The following MICU1 variants were observed in gnomAD, a reference collection of about 807,000 sequenced individuals.
The protein encoded by MICU1 is mitochondrial calcium uptake 1, also known as calcium uptake protein 1, mitochondrial.
MICU1 carries 45 observed loss-of-function variants against 56.8 expected under a neutral mutation model. The ratio of observed to expected loss-of-function variants is 0.79; its 90% CI spans 0.62 to 1.02. The LOEUF (loss-of-function observed/expected upper bound fraction) is 1.02, where lower values mean the gene tolerates loss of function less well. Ranked by LOEUF, MICU1 falls within the 50% of genes least tolerant of loss-of-function variation. MICU1 has a pLI of 0.00. For synonymous variants in MICU1, 186 were observed against 195.1 expected (o/e 0.95, Z 0.39); for missense variants, 504 against 587.1 (o/e 0.86, Z 1.46).
In MICU1 at chr10:72,493,632, T is replaced by C. The variant is rs115643124; in HGVS notation, c.652+14523A>G. 4.0e-3 allele frequency among the ~76,000 whole-genome samples: 605 copies of C among 152,168 alleles called. 5 individuals are homozygous for C. Among genetic ancestry groups the C allele is most frequent in the African/African-American group, 0.014 (561 of 41,518 alleles). ...CATGCCTGACTAATTTGTGTATTTT[T>C]TGTAGAGACATGGTTTCGCCATGTT... On this transcript the variant is annotated intron_variant, in intron 6 of 11. Transcript: ENST00000361114.
Position 72,486,366 on chromosome 10 carries a change from A to T in MICU1, c.653-9110T>A, listed in dbSNP as rs144946441. Among the ~76,000 whole-genome samples, 331 of 152,350 alleles carry T rather than the reference A, an allele frequency of 2.2e-3. 2 individuals are homozygous for T. The highest frequency in any genetic ancestry group is 6.8e-3 in the Middle Eastern group (2 of 294). ...GCAACAAAACATTAGTTAGATATAA[A>T]GGACAAACTGACTAACATTACTATC... On this transcript the variant is annotated intron_variant, in intron 6 of 11. Coordinates refer to ENST00000361114, the MANE Select transcript of MICU1 (RefSeq NM_001195518.2).
intron 5 of MICU1, among the ~76,000 whole-genome samples, chr10:72,529,154 T>G (rs965393483): frequency 6.6e-6 from 1 of 152,208 alleles, no homozygotes; most frequent in Non-Finnish European, 1.5e-5. Context: ...CAAATATTCT[T>G]GTAGATAACA....
intron 4 of MICU1, among the ~76,000 whole-genome samples, chr10:72,543,672 G>A (rs2152476): frequency 0.46 from 70,162 of 152,000 alleles, 20,237 homozygotes; most frequent in Non-Finnish European, 0.67. Flanking sequence ...TGGCTAACAC[G>A]GTGAAACCCC....
chr10:72,461,182 G>A (rs1202155017), intron 8 of MICU1, among the ~76,000 whole-genome samples: 3 of 152,134 alleles, frequency 2.0e-5, no homozygotes, highest in Non-Finnish European at 4.4e-5. Context: ...CTCTTTACCA[G>A]CATCAGAAAA....
rs75387394 is a variant in MICU1, at chr10:72,519,593, T to C, written c.538-11324A>G. ...GTTTCTGACCAATCACATAAACTTA[T>C]AAAATACATGGTTAAAGTTGCTGGT... On this transcript the variant is annotated intron_variant, in intron 5 of 11. Coordinates refer to ENST00000361114, the MANE Select transcript of MICU1 (RefSeq NM_001195518.2). Among the ~76,000 whole-genome samples the C allele has an allele frequency of 6.6e-5, 10 of 152,292 alleles. No individual in the cohort carries two copies. The East Asian group carries it at 1.9e-3, about 29-fold the overall frequency.
At chr10:72,531,106 C>G in intron 5 of MICU1, among the ~76,000 whole-genome samples, 1 of 151,894 alleles carries the variant, frequency 6.6e-6, no homozygotes, top group South Asian at 2.1e-4. Context: ...AAATGGTGTG[C>G]TAAAAGTTAA....
At chr10:72,486,010 TA>T (rs989587709) in intron 6 of MICU1, among the ~76,000 whole-genome samples, 20 of 147,156 alleles carry the variant, frequency 1.4e-4, no homozygotes, top group Admixed American at 8.1e-4. Context: ...GCAAAAGACC[TA>T]AAAAAAAAGT....
At chr10:72,436,522 T>C (rs1216959904) in intron 8 of MICU1, among the ~76,000 whole-genome samples, 1 of 152,152 alleles carries the variant, frequency 6.6e-6, no homozygotes, top group African/African-American at 2.4e-5. Flanking sequence ...GGATCGCAGC[T>C]CCTTGCCAGC....
intron 6 of MICU1, among the ~76,000 whole-genome samples, chr10:72,478,313 G>T (rs1360902550): frequency 6.6e-6 from 1 of 152,070 alleles, no homozygotes; most frequent in Non-Finnish European, 1.5e-5. Context: ...GCTTTTCAAG[G>T]CTTCTTTAGT....
intron 1 of MICU1, among the ~76,000 whole-genome samples, chr10:72,624,874 G>A (rs1842191677): frequency 6.6e-6 from 1 of 152,172 alleles, no homozygotes; most frequent in Non-Finnish European, 1.5e-5. Flanking sequence ...AAGTTTTTAG[G>A]ATAAGGCAAT....
chr10:72,433,452 G>C (rs893892652), intron 8 of MICU1, among the ~76,000 whole-genome samples: 1 of 149,228 alleles, frequency 6.7e-6, no homozygotes, highest in Non-Finnish European at 1.5e-5. Flanking sequence ...TTTTGAGATG[G>C]AGTCTTGCTC....
At chr10:72,551,072 TATC>T (rs1355100434) in intron 4 of MICU1, 104 bp downstream of exon 4, 1 of 1,099,432 alleles carries the variant, frequency 9.1e-7, no homozygotes, top group Admixed American at 3.3e-5. Flanking sequence ...ACACTGTTCA[TATC>T]ATCATTACAA....
rs1867173658 is a variant in MICU1, at chr10:72,504,319, G to T, written c.652+3836C>A. Among the ~76,000 whole-genome samples the T allele has an allele frequency of 5.3e-5, 8 of 152,038 alleles. 1 individual carries two copies. The highest frequency in any genetic ancestry group is 5.2e-4 in the Admixed American group (8 of 15,258). On this transcript the variant is annotated intron_variant, in intron 6 of 11. Coordinates refer to ENST00000361114, the MANE Select transcript of MICU1 (RefSeq NM_001195518.2). The stretch of plus-strand genomic sequence containing the variant: ...ATAGAACAGAAAACCCGGAAATAAA[G>T]CTGTACACTTACAACCATCTTATTT...
At chr10:72,473,775 T>C (rs1866020840) in intron 8 of MICU1, among the ~76,000 whole-genome samples, 1 of 151,914 alleles carries the variant, frequency 6.6e-6, no homozygotes, top group African/African-American at 2.4e-5. Flanking sequence ...AACAACACAA[T>C]TGAGACAAGT....
intron 9 of MICU1, among the ~76,000 whole-genome samples, chr10:72,420,506 C>T (rs1367838294): frequency 6.6e-6 from 1 of 152,110 alleles, no homozygotes; most frequent in Admixed American, 6.6e-5. Flanking sequence ...TGGACTAATA[C>T]ACTTGGAAAT....
chr10:72,409,478 TGAGCTCA>T (rs1863735821), intron 9 of MICU1, among the ~76,000 whole-genome samples: 1 of 152,200 alleles, frequency 6.6e-6, no homozygotes, highest in African/African-American at 2.4e-5. Flanking sequence ...GAGGATCACT[TGAGCTCA>T]GTGACCAGCC....
At chr10:72,568,037 A>AT (rs951341232) in intron 1 of MICU1, among the ~76,000 whole-genome samples, 5 of 152,152 alleles carry the variant, frequency 3.3e-5, no homozygotes, top group Non-Finnish European at 7.4e-5. Context: ...GGGAGGACTA[A>AT]TTCCATACTT....
intron 9 of MICU1, among the ~76,000 whole-genome samples, chr10:72,410,951 G>A (rs995858001): frequency 1.3e-5 from 2 of 152,164 alleles, no homozygotes; most frequent in Non-Finnish European, 2.9e-5. Flanking sequence ...ACATAAAGGT[G>A]GAGGCAACCC....
At chr10:72,501,642 GA>G (rs899231045) in intron 6 of MICU1, 24 of 151,484 alleles carry the variant, frequency 1.6e-4, no homozygotes, top group African/African-American at 5.9e-4. Flanking sequence ...GTGCCAAGGA[GA>G]AAAAATAAAG....
Sources: allele counts gnomAD v4.1 joint callset (sites outside exome capture counted in the v4.1 genomes callset), GRCh38; gene constraint gnomAD v4.1.1; transcripts MANE v1.5; gene names NCBI Gene and HGNC (gene_info 2026-07-23, HGNC 2026-07-21).